Variants in SFPQ observed in about 807,000 individuals in gnomAD.
SFPQ encodes the protein splicing factor, proline- and glutamine-rich.
A neutral mutation model predicts 72.9 loss-of-function variants in SFPQ; 11 were observed. That is an observed-to-expected ratio of 0.15 (90% confidence interval 0.09 to 0.25). SFPQ has a LOEUF of 0.25. Among genes scored for constraint, SFPQ ranks in the 10% least tolerant of loss-of-function variants. SFPQ has a pLI of 1.00. For synonymous variants in SFPQ, 506 were observed against 367.3 expected (o/e 1.38, Z -4.32); for missense variants, 847 against 993.3 (o/e 0.85, Z 1.98).
chr1:35,179,236 TAAC>T (rs1430636009), downstream of SFPQ: 16 of 1,061,502 alleles, frequency 1.5e-5, no homozygotes, highest in African/African-American at 1.6e-4. Context: ...TGACAATGAT[TAAC>T]AATAGGAGAC....
chr1:35,192,573 C>G lies in SFPQ; in HGVS notation c.477G>C (p.Ser159=). 1 of 1,335,942 alleles carries G rather than the reference C, an allele frequency of 7.5e-7. No homozygotes were observed. The highest frequency in any genetic ancestry group is 9.5e-7 in the Non-Finnish European group (1 of 1,049,770). 82.8% of individuals were successfully genotyped at this position (1,335,942 alleles called of 1,614,324 possible). ...PTPTPPPAVT[S]APPGAPPPTP... Reference sequence around the variant, plus strand: ...TGGGTGGCGGCGCCCCGGGAGGGGCCGAGGTGACTGCAGGCGGCGGGGTCG... The same window carrying G: ...TGGGTGGCGGCGCCCCGGGAGGGGCGGAGGTGACTGCAGGCGGCGGGGTCG... Residue 159 remains serine, a synonymous_variant, in exon 1 of 10, where the codon TCG becomes TCC. Transcript: ENST00000357214.
In SFPQ at chr1:35,183,487, G is replaced by A; in HGVS notation, c.*969C>T. 1 of 907,898 alleles carries A rather than the reference G, an allele frequency of 1.1e-6. No homozygotes were observed. The highest frequency in any genetic ancestry group is 1.3e-6 in the Non-Finnish European group (1 of 751,326). The allele number at this position is 907,898 out of a possible 1,614,324, so 56.2% of individuals were successfully genotyped here. ...CCACCTCAGCCTCCCAAAGTGCTGGGATTACAGGCGTGAGCCACCGCGCCC... is the reference window on the plus strand; with the variant it reads ...CCACCTCAGCCTCCCAAAGTGCTGGAATTACAGGCGTGAGCCACCGCGCCC... On this transcript the variant is annotated 3_prime_UTR_variant, in exon 10 of 10. Coordinates refer to ENST00000357214, the MANE Select transcript of SFPQ (RefSeq NM_005066.3).
At position 35,184,273 on chromosome 1, in the gene SFPQ, C is replaced by A. The variant is rs897930646; in HGVS notation, c.*183G>T. ...AAGAAATAAAAAGGAAAAAAAAATT[C>A]TCCTGTTCCAAACACTGCATTACAT... On this transcript the variant is annotated 3_prime_UTR_variant, in exon 10 of 10. Transcript: ENST00000357214. 4.2e-5 allele frequency: 57 copies of A among 1,366,108 alleles called. No homozygotes were observed. Among genetic ancestry groups the A allele is most frequent in the Admixed American group, 8.0e-5 (2 of 25,140 alleles). 84.6% of individuals were successfully genotyped at this position (1,366,108 alleles called of 1,614,324 possible). A position where few individuals can be genotyped will look rare whatever the true frequency, so the allele number is the denominator to read the frequency against.
chr1:35,178,900 A>T (rs58374947), downstream of SFPQ: 10,088 of 1,044,566 alleles, frequency 9.7e-3, 620 homozygotes, highest in African/African-American at 0.15. Flanking sequence ...AAAAAAAAAA[A>T]ATATTTTTTT....
At chr1:35,180,676 G>C, downstream of SFPQ, 14 of 1,055,328 alleles carry the variant, frequency 1.3e-5, no homozygotes, top group Non-Finnish European at 1.6e-5. Flanking sequence ...TCAACTTGTA[G>C]AATTACCAAG....
Position 35,184,163 on chromosome 1 carries a change from A to T in SFPQ, c.*293T>A. On this transcript the variant is annotated 3_prime_UTR_variant, in exon 10 of 10. Coordinates refer to ENST00000357214, the MANE Select transcript of SFPQ (RefSeq NM_005066.3). ...TTATTTGAAGCACAGTAAAAAAAAA[A>T]AAATTGGTACACTTTGGAAATTCAG... 1.3e-5 allele frequency: 15 copies of T among 1,161,702 alleles called. No individual in the cohort carries two copies. Among genetic ancestry groups the T allele is most frequent in the Non-Finnish European group, 1.6e-5 (15 of 944,132 alleles). 72.0% of individuals were successfully genotyped at this position (1,161,702 alleles called of 1,614,324 possible).
intron 3 of SFPQ, 40 bp downstream of exon 3, chr1:35,190,654 T>C: frequency 6.2e-7 from 1 of 1,609,732 alleles, no homozygotes; most frequent in South Asian, 1.1e-5. Flanking sequence ...CATTCTCATA[T>C]AAGTTGATAG....
chr1:35,177,920 T>TA, intron 4 of SFPQ: 1 of 666,958 alleles, frequency 1.5e-6, no homozygotes, highest in South Asian at 2.7e-5. Flanking sequence ...TCACTCCACA[T>TA]ATCTAAATGA....
downstream of SFPQ, chr1:35,180,798 A>G (rs1473093982): frequency 1.0e-6 from 1 of 985,454 alleles, no homozygotes; most frequent in East Asian, 1.1e-4. Context: ...AAAGCACCCT[A>G]GTTCCCAAGT....
chr1:35,182,553 A>G, downstream of SFPQ: 1 of 985,468 alleles, frequency 1.0e-6, no homozygotes, highest in South Asian at 4.7e-5. Flanking sequence ...TCCTATGCAG[A>G]AAGTGCTCAG....
chr1:35,186,727 G>A lies in SFPQ; in HGVS notation c.1986+274C>T, dbSNP rs189981217. On this transcript the variant is annotated intron_variant, in intron 9 of 9. Coordinates refer to ENST00000357214, the MANE Select transcript of SFPQ (RefSeq NM_005066.3). ...ATTTGCCATGCACTAGAGTTCAAAA[G>A]CACCTAAATCTACTTATTGCCAAAG... Among the ~76,000 whole-genome samples, 433 of 152,208 alleles carry A rather than the reference G, an allele frequency of 2.8e-3. 4 individuals carry two copies. Among genetic ancestry groups the A allele is most frequent in the South Asian group, 3.7e-3 (18 of 4,828 alleles).
At chr1:35,186,871 T>C in intron 9 of SFPQ, 130 bp downstream of exon 9, 2 of 817,702 alleles carry the variant, frequency 2.4e-6, no homozygotes, top group Non-Finnish European at 3.8e-6. Flanking sequence ...CATATTTATG[T>C]ATGAAATTGG....
intron 9 of SFPQ, among the ~76,000 whole-genome samples, chr1:35,185,853 C>T (rs141027938): frequency 6.6e-6 from 1 of 152,076 alleles, no homozygotes; most frequent in African/African-American, 2.4e-5. Context: ...GTTAATTACA[C>T]CAGCTGAGAA....
chr1:35,185,557 A>G (rs1487173168), intron 9 of SFPQ, among the ~76,000 whole-genome samples: 1 of 152,214 alleles, frequency 6.6e-6, no homozygotes, highest in African/African-American at 2.4e-5. Context: ...CAGACCCCTC[A>G]GGTATGCAAA....
chr1:35,186,991 G>T lies in SFPQ; in HGVS notation c.1986+10C>A. 2 of 1,611,568 alleles carry T rather than the reference G, an allele frequency of 1.2e-6. No individual in the cohort carries two copies. Among genetic ancestry groups the T allele is most frequent in the Non-Finnish European group, 1.7e-6 (2 of 1,178,276 alleles). On this transcript the variant is annotated intron_variant, in intron 9 of 9. Coordinates refer to ENST00000357214, the MANE Select transcript of SFPQ (RefSeq NM_005066.3). ...ATTTCCTTGGTACTACGTCCCACAG[G>T]ATACATTACCATGTCACTTCCCATC...
At chr1:35,192,175 C>T in intron 1 of SFPQ, 47 bp downstream of exon 1, 1 of 1,314,430 alleles carries the variant, frequency 7.6e-7, no homozygotes, top group Non-Finnish European at 9.7e-7. Context: ...AGGAGGGGGC[C>T]GCCGCCATCT....
downstream of SFPQ, chr1:35,181,681 G>T: frequency 9.4e-7 from 1 of 1,060,668 alleles, no homozygotes; most frequent in African/African-American, 1.6e-5. Flanking sequence ...GTGGAGAAGA[G>T]GAAATGGGGA....
chr1:35,189,127 T>TTTTTCAC (rs1639870345), intron 5 of SFPQ, 40 bp from the exon 6 acceptor site: 2 of 1,613,190 alleles, frequency 1.2e-6, no homozygotes, highest in Non-Finnish European at 1.7e-6. Flanking sequence ...TTAACAAGGT[T>TTTTTCAC]CTAATAAGGT....
At chr1:35,189,707 G>A (rs1279065518) in intron 4 of SFPQ, among the ~76,000 whole-genome samples, 2 of 152,144 alleles carry the variant, frequency 1.3e-5, no homozygotes, top group African/African-American at 4.8e-5. Context: ...CCTGCACTTT[G>A]AGAGGCCAAG....
Sources: gnomAD v4.1 joint callset for allele counts (sites outside exome capture counted in the v4.1 genomes callset) on GRCh38, gnomAD v4.1.1 for gene constraint, MANE v1.5 for transcripts, NCBI Gene and HGNC (gene_info 2026-07-23, HGNC 2026-07-21) for gene names.